The following KCNIP4 variants were observed in gnomAD, a reference collection of about 807,000 sequenced individuals.
KCNIP4 encodes the protein potassium voltage-gated channel interacting protein 4.
A neutral mutation model predicts 34.0 loss-of-function variants in KCNIP4; 12 were observed. That is an observed-to-expected ratio of 0.35 (90% confidence interval 0.23 to 0.57). The LOEUF is 0.57. KCNIP4 is among the 20% of genes least tolerant of loss of function. KCNIP4 has a pLI of 0.83. For synonymous variants in KCNIP4, 124 were observed against 102.2 expected (o/e 1.21, Z -1.29); for missense variants, 238 against 311.7 (o/e 0.76, Z 1.78).
chr4:21,385,106 T>C (rs12499967), intron 1 of KCNIP4, among the ~76,000 whole-genome samples: 129,424 of 152,200 alleles, frequency 0.85, 55,361 homozygotes, highest in Non-Finnish European at 0.89. Flanking sequence ...TAGAGGATAG[T>C]ACTGCCACAA....
At chr4:21,319,404 C>T (rs1348033500) in intron 1 of KCNIP4, among the ~76,000 whole-genome samples, 2 of 152,172 alleles carry the variant, frequency 1.3e-5, no homozygotes, top group South Asian at 2.1e-4. Context: ...ACTAGTTTTC[C>T]CCTTATGTCT....
At chr4:21,507,164 C>G (rs549228417) in intron 1 of KCNIP4, among the ~76,000 whole-genome samples, 13 of 152,030 alleles carry the variant, frequency 8.6e-5, no homozygotes, top group African/African-American at 3.1e-4. Context: ...AACATGCAAT[C>G]AATATAAAAA....
intron 1 of KCNIP4, among the ~76,000 whole-genome samples, chr4:21,675,252 TG>T (rs1749800842): frequency 6.6e-6 from 1 of 152,110 alleles, no homozygotes; most frequent in Non-Finnish European, 1.5e-5. Flanking sequence ...TCAAATCAAT[TG>T]AACTCATGGA....
intron 1 of KCNIP4, among the ~76,000 whole-genome samples, chr4:21,325,482 T>C (rs1193987738): frequency 6.6e-6 from 1 of 151,904 alleles, no homozygotes; most frequent in African/African-American, 2.4e-5. Context: ...TATTTGGTTT[T>C]CTCTCTTTTT....
intron 1 of KCNIP4, among the ~76,000 whole-genome samples, chr4:21,057,101 A>T (rs1267952120): frequency 6.6e-6 from 1 of 152,158 alleles, no homozygotes; most frequent in African/African-American, 2.4e-5. Flanking sequence ...TGAGGACCAC[A>T]TTTACAATGT....
chr4:21,887,887 T>G (rs1040044347), intron 1 of KCNIP4, among the ~76,000 whole-genome samples: 1 of 152,208 alleles, frequency 6.6e-6, no homozygotes, highest in African/African-American at 2.4e-5. Context: ...AATTACTTTT[T>G]GAATTTCCAA....
At chr4:21,729,099 T>C (rs1715404633) in intron 1 of KCNIP4, among the ~76,000 whole-genome samples, 1 of 152,164 alleles carries the variant, frequency 6.6e-6, no homozygotes, top group Non-Finnish European at 1.5e-5. Context: ...GCACAGACTT[T>C]TATCTTTGTG....
At chr4:20,919,018 C>A (rs1041274969) in intron 1 of KCNIP4, among the ~76,000 whole-genome samples, 2 of 152,106 alleles carry the variant, frequency 1.3e-5, no homozygotes, top group African/African-American at 4.8e-5. Flanking sequence ...GTAAGAATAA[C>A]CTATTTTCTT....
chr4:21,847,246 TG>T (rs1724074503), intron 1 of KCNIP4: 1 of 152,106 alleles, frequency 6.6e-6, no homozygotes, highest in South Asian at 2.1e-4. Flanking sequence ...ATGCAATAGT[TG>T]AAATACACTC....
intron 1 of KCNIP4, among the ~76,000 whole-genome samples, chr4:21,247,966 C>A (rs929769741): frequency 8.9e-6 from 1 of 112,902 alleles, no homozygotes; most frequent in South Asian, 2.9e-4. Context: ...TATATATATA[C>A]ACACACATAT....
intron 1 of KCNIP4, among the ~76,000 whole-genome samples, chr4:21,816,825 T>A (rs1722017493): frequency 6.6e-6 from 1 of 152,140 alleles, no homozygotes; most frequent in Non-Finnish European, 1.5e-5. Flanking sequence ...CTGGAGCATA[T>A]TTCTTGGGTT....
intron 1 of KCNIP4, among the ~76,000 whole-genome samples, chr4:21,519,605 CATAT>C (rs1388213185): frequency 4.5e-5 from 4 of 88,468 alleles, no homozygotes; most frequent in South Asian, 3.9e-4. Context: ...TATATATACA[CATAT>C]GTGTGTGTAT....
chr4:20,767,485 C>T (rs769600784), intron 3 of KCNIP4: 8 of 152,096 alleles, frequency 5.3e-5, no homozygotes, highest in African/African-American at 1.2e-4. Flanking sequence ...TCCATGTATG[C>T]ATAGGAAATT....
At chr4:20,904,098 G>GT (rs1245411671) in intron 1 of KCNIP4, among the ~76,000 whole-genome samples, 1 of 151,930 alleles carries the variant, frequency 6.6e-6, no homozygotes, top group Non-Finnish European at 1.5e-5. Context: ...AGCCTTAAGA[G>GT]TAAAAAGTGA....
At chr4:20,927,485 A>G (rs1382503448) in intron 1 of KCNIP4, among the ~76,000 whole-genome samples, 1 of 152,182 alleles carries the variant, frequency 6.6e-6, no homozygotes, top group Non-Finnish European at 1.5e-5. Context: ...ATTCAAGGAT[A>G]TTTATCTCTA....
chr4:21,811,738 G>C (rs1480132503), intron 1 of KCNIP4, among the ~76,000 whole-genome samples: 1 of 152,222 alleles, frequency 6.6e-6, no homozygotes, highest in Non-Finnish European at 1.5e-5. Flanking sequence ...GAAAAGGAAT[G>C]TGTGGAATGA....
chr4:20,916,977 T>C (rs1467294321), intron 1 of KCNIP4, among the ~76,000 whole-genome samples: 1 of 113,818 alleles, frequency 8.8e-6, no homozygotes, highest in East Asian at 2.7e-4. Context: ...CCATTGACCA[T>C]CTTATGTTTA....
At chr4:20,921,031 G>A (rs1415267427) in intron 1 of KCNIP4, among the ~76,000 whole-genome samples, 1 of 151,992 alleles carries the variant, frequency 6.6e-6, no homozygotes, top group African/African-American at 2.4e-5. Flanking sequence ...TTTGCCACAG[G>A]ATAGAGGAGG....
intron 3 of KCNIP4, among the ~76,000 whole-genome samples, chr4:20,803,979 G>A (rs1432997590): frequency 1.3e-5 from 2 of 152,108 alleles, no homozygotes; most frequent in Non-Finnish European, 2.9e-5. Flanking sequence ...ATAAACTAAG[G>A]ATAGTGATTA....
Sources: gnomAD v4.1 joint callset for allele counts (sites outside exome capture counted in the v4.1 genomes callset) on GRCh38, gnomAD v4.1.1 for gene constraint, MANE v1.5 for transcripts, NCBI Gene and HGNC (gene_info 2026-07-23, HGNC 2026-07-21) for gene names.